WNK2: variants seen among roughly 807,000 people sequenced by gnomAD.
The protein encoded by WNK2 is serine/threonine-protein kinase WNK2.
Under a neutral mutation model 192.1 loss-of-function variants are expected in WNK2, and 67 were observed. The observed-to-expected ratio is 0.35, with a 90% CI of 0.29 to 0.43. The LOEUF (loss-of-function observed/expected upper bound fraction) is 0.43. Ranked by LOEUF, WNK2 falls within the 20% of genes least tolerant of loss-of-function variation. WNK2 has a pLI of 1.00. For missense variants in WNK2, 2,698 were observed against 3,089.7 expected, an observed-to-expected ratio of 0.87 and a Z score of 3.01; for synonymous variants, 1,439 against 1,393.9, an observed-to-expected ratio of 1.03 and a Z score of -0.72.
intron 5 of WNK2, among the ~76,000 whole-genome samples, chr9:93,235,979 T>C (rs2132170723): frequency 6.6e-6 from 1 of 152,338 alleles, no homozygotes; most frequent in East Asian, 1.9e-4. Context: ...CCCTCCTGTG[T>C]GCCCCTGAGG....
intron 8 of WNK2, 146 bp from the exon 9 acceptor site, chr9:93,252,737 A>T: frequency 2.8e-6 from 2 of 719,308 alleles, no homozygotes; most frequent in Non-Finnish European, 4.1e-6. Context: ...TGTAGCAGCC[A>T]ATTGTTTAAA....
In WNK2 at chr9:93,257,386, G is replaced by C. The variant is rs1843480236; in HGVS notation, c.2382+247G>C. Reference sequence around the variant, plus strand: ...TCCCTTGGTGGCTGGCTTGGCTGCTGTCTCCTGCCCTCCAGCCTCACCTTC... The same window carrying C: ...TCCCTTGGTGGCTGGCTTGGCTGCTCTCTCCTGCCCTCCAGCCTCACCTTC... On this transcript the variant is annotated intron_variant, in intron 11 of 29. Transcript: ENST00000427277. This position sits in a 1 kb window ranked among gnomAD's most constrained non-coding sequence, Gnocchi z 4.7. Among the ~76,000 whole-genome samples the C allele has an allele frequency of 6.6e-6, 1 of 151,976 alleles. No individual in the cohort carries two copies. The highest frequency in any genetic ancestry group is 1.5e-5 in the Non-Finnish European group (1 of 67,960).
In WNK2 at chr9:93,292,709, C is replaced by G. The variant is rs1268093141; in HGVS notation, c.5244C>G (p.Phe1748Leu). 1.9e-6 allele frequency: 3 copies of G among 1,566,652 alleles called. No homozygotes were observed. The highest frequency in any genetic ancestry group is 2.6e-6 in the Non-Finnish European group (3 of 1,156,858). The change falls in exon 23 of 30, where the codon TTC (phenylalanine) becomes TTG (leucine). Residue 1748 changes from phenylalanine (F) to leucine (L), a missense_variant. Phe to Leu is a conservative substitution (Grantham distance 22). Coordinates refer to ENST00000427277, the MANE Select transcript of WNK2 (RefSeq NM_006648.4). ...VSSPAKTVGRFSVVSTQDEWT... is the reference protein window; with the variant it reads ...VSSPAKTVGRLSVVSTQDEWT... ...CACCAGCCAAGACTGTGGGCCGTTTCTCGGTGGTCAGCACTCAGGACGAGT... is the reference window on the plus strand; with the variant it reads ...CACCAGCCAAGACTGTGGGCCGTTTGTCGGTGGTCAGCACTCAGGACGAGT...
intron 19 of WNK2, 99 bp downstream of exon 19, chr9:93,268,845 T>G: frequency 6.3e-7 from 1 of 1,575,820 alleles, no homozygotes; most frequent in South Asian, 1.2e-5. Flanking sequence ...CCCAGGTCCA[T>G]GCAGGGGGCT....
At chr9:93,305,042 C>A (rs1020451308) in intron 26 of WNK2, among the ~76,000 whole-genome samples, 1 of 152,216 alleles carries the variant, frequency 6.6e-6, no homozygotes, top group African/African-American at 2.4e-5. Flanking sequence ...CAGCTCTGAT[C>A]GCAGGTCCAG....
intron 28 of WNK2, chr9:93,316,071 T>C (rs1035985619): frequency 4.6e-5 from 7 of 152,226 alleles, no homozygotes; most frequent in African/African-American, 1.2e-4. Flanking sequence ...TTGCACTGAA[T>C]TGAGCAGACA....
chr9:93,308,682 G>A, intron 28 of WNK2, 98 bp downstream of exon 28: 2 of 1,389,604 alleles, frequency 1.4e-6, no homozygotes, highest in Non-Finnish European at 1.9e-6. Context: ...GTCCAGTTAA[G>A]CTCTTCATTT....
chr9:93,271,212 C>G (rs1462414551), intron 19 of WNK2, among the ~76,000 whole-genome samples: 1 of 152,238 alleles, frequency 6.6e-6, no homozygotes, highest in African/African-American at 2.4e-5. Context: ...CATGTAACCA[C>G]AGCCCATAGA....
intron 27 of WNK2, 109 bp downstream of exon 27, chr9:93,306,930 C>T (rs1050383659): frequency 7.2e-7 from 1 of 1,397,642 alleles, no homozygotes; most frequent in African/African-American, 1.4e-5. Context: ...CTGCCCTGTG[C>T]CTGCCCCGCG....
intron 2 of WNK2, among the ~76,000 whole-genome samples, chr9:93,199,606 A>T (rs990093924): frequency 6.6e-6 from 1 of 152,230 alleles, no homozygotes; most frequent in Admixed American, 6.5e-5. Context: ...CATTGAAAAC[A>T]CAAAGCTGTG....
At position 93,185,138 on chromosome 9, in the gene WNK2, C is replaced by A. The variant is rs1363828862; in HGVS notation, c.209C>A (p.Pro70His). The part of the protein sequence containing the change: ...AEAPGPQPPQ[P>H]LQRRVLLLCK... ...GCGCCGGGCCCGCAGCCCCCGCAGC[C>A]CCTGCAGCGCCGGGTGCTTCTGCTC... The change falls in exon 2 of 30, where the codon CCC (proline) becomes CAC (histidine). Residue 70 changes from proline (P) to histidine (H), a missense_variant. Coordinates refer to ENST00000427277, the MANE Select transcript of WNK2 (RefSeq NM_006648.4). 11 of 1,300,802 alleles carry A rather than the reference C, an allele frequency of 8.5e-6. No homozygotes were observed. Among genetic ancestry groups the A allele is most frequent in the Non-Finnish European group, 1.1e-5 (11 of 1,018,232 alleles). The allele number at this position is 1,300,802 out of a possible 1,614,324, so 80.6% of individuals were successfully genotyped here. A position where few individuals can be genotyped will look rare whatever the true frequency, so the allele number is the denominator to read the frequency against.
chr9:93,227,430 T>A (rs1385690556), intron 2 of WNK2, among the ~76,000 whole-genome samples: 1 of 151,850 alleles, frequency 6.6e-6, no homozygotes, highest in East Asian at 1.9e-4. Context: ...TCTTTTAATT[T>A]AGCCCTTCTG....
chr9:93,279,351 A>T (rs922880728), intron 19 of WNK2, among the ~76,000 whole-genome samples: 1 of 152,226 alleles, frequency 6.6e-6, no homozygotes, highest in African/African-American at 2.4e-5. Context: ...TTATTTTTGT[A>T]TGGATTATTT....
intron 2 of WNK2, among the ~76,000 whole-genome samples, chr9:93,224,903 C>G (rs945618444): frequency 2.6e-5 from 4 of 152,120 alleles, no homozygotes; most frequent in Non-Finnish European, 5.9e-5. Context: ...TTCTTCCTGC[C>G]CTGGCTTGTT....
In WNK2 at chr9:93,238,517, G is replaced by C. The variant is rs550248455; in HGVS notation, c.1322+196G>C. Among the ~76,000 whole-genome samples the C allele has an allele frequency of 1.2e-4, 19 of 152,330 alleles. No homozygotes were observed. The South Asian group carries it at 3.9e-3, about 32-fold the overall frequency. ...TGGGTGACACCAGGCCAGGAGGCCA[G>C]GCCCTCACGTCCTTGTTGGCCATCT... On this transcript the variant is annotated intron_variant, in intron 6 of 29. Coordinates refer to ENST00000427277, the MANE Select transcript of WNK2 (RefSeq NM_006648.4).
Position 93,257,719 on chromosome 9 carries a change from G to C in WNK2, c.2382+580G>C, listed in dbSNP as rs1392164181. On this transcript the variant is annotated intron_variant, in intron 11 of 29. Coordinates refer to ENST00000427277, the MANE Select transcript of WNK2 (RefSeq NM_006648.4). This position sits in a 1 kb window ranked among gnomAD's most constrained non-coding sequence, Gnocchi z 4.7. ...GCATGTGGCTCCTCGGAGTTCCAAA[G>C]CCAGCCTGTGGCATTGCTGACTGCA... Among the ~76,000 whole-genome samples, 1 of 152,216 alleles carries C rather than the reference G, an allele frequency of 6.6e-6. No individual in the cohort carries two copies. The highest frequency in any genetic ancestry group is 1.5e-5 in the Non-Finnish European group (1 of 68,036).
At position 93,305,675 on chromosome 9, in the gene WNK2, GT is replaced by G. The variant is rs543672925; in HGVS notation, c.6215-1101del. Among the ~76,000 whole-genome samples the G allele has an allele frequency of 3.8e-3, 579 of 152,342 alleles. 3 individuals carry two copies. Among genetic ancestry groups the G allele is most frequent in the African/African-American group, 0.013 (558 of 41,582 alleles). On this transcript the variant is annotated intron_variant, in intron 26 of 29. Coordinates refer to ENST00000427277, the MANE Select transcript of WNK2 (RefSeq NM_006648.4). ...GGAGCTGGACGACAAGTTGCCCGCT[GT>G]CCCCCGAGGCAGGAGGCATGAGCCC...
chr9:93,210,624 C>A (rs1034870294), intron 2 of WNK2, among the ~76,000 whole-genome samples: 3 of 152,178 alleles, frequency 2.0e-5, no homozygotes, highest in African/African-American at 7.2e-5. Flanking sequence ...CAGGCCCTTT[C>A]CTTGTGAGCC....
In WNK2 at chr9:93,284,212, G is replaced by A. The variant is rs183108968; in HGVS notation, c.4034-4576G>A. 2.3e-3 allele frequency among the ~76,000 whole-genome samples: 354 copies of A among 152,256 alleles called. 2 individuals carry two copies. Among genetic ancestry groups the A allele is most frequent in the African/African-American group, 7.8e-3 (325 of 41,556 alleles). ...AAGAAGCTTGTTTTATCAAACTAGC[G>A]TAACTTTGACACAAAAATCTGACTG... On this transcript the variant is annotated intron_variant, in intron 19 of 29. Transcript: ENST00000427277.
Sources: allele counts gnomAD v4.1 joint callset (sites outside exome capture counted in the v4.1 genomes callset), GRCh38; gene constraint gnomAD v4.1.1; non-coding constraint Gnocchi (gnomAD v3.1); transcripts MANE v1.5; gene names NCBI Gene and HGNC (gene_info 2026-07-23, HGNC 2026-07-21).